Variants in EIF5 observed in about 807,000 individuals in gnomAD.
EIF5 encodes the protein eukaryotic translation initiation factor 5.
A neutral mutation model predicts 48.3 loss-of-function variants in EIF5; 10 were observed. That is an observed-to-expected ratio of 0.21 (90% CI 0.13 to 0.35). The LOEUF is 0.35. Ranked by LOEUF, EIF5 falls within the 10% of genes least tolerant of loss-of-function variation. EIF5 has a pLI of 1.00. For synonymous variants in EIF5, 237 were observed against 173.1 expected (o/e 1.37, Z -2.90); for missense variants, 397 against 533.2 (o/e 0.74, Z 2.51).
In EIF5 at chr14:103,340,626, T is replaced by A; in HGVS notation, c.1206+65T>A. 3 of 1,560,332 alleles carry A rather than the reference T, an allele frequency of 1.9e-6. No homozygotes were observed. The East Asian group carries it at 6.8e-5, about 35-fold the overall frequency. ...CATGGGTGTTTGAGATTTAAAAAGG[T>A]TTGTGAGGAGTGATATAATGGCAGT... On this transcript the variant is annotated intron_variant, in intron 11 of 11. Coordinates refer to ENST00000216554, the MANE Select transcript of EIF5 (RefSeq NM_001969.5).
In EIF5 at chr14:103,343,446, G is replaced by T. The variant is rs988324426; in HGVS notation, c.*2394G>T. Reference sequence around the variant, plus strand: ...GGAACATACATACAGCTATGTAACTGTGAATAATTGTATATATCTCTAGTT... The same window carrying T: ...GGAACATACATACAGCTATGTAACTTTGAATAATTGTATATATCTCTAGTT... On this transcript the variant is annotated 3_prime_UTR_variant, in exon 12 of 12. Transcript: ENST00000216554. 2.1e-5 allele frequency: 3 copies of T among 140,546 alleles called. No homozygotes were observed. Among genetic ancestry groups the T allele is most frequent in the Admixed American group, 2.1e-4 (3 of 14,344 alleles). The allele number at this position is 140,546 out of a possible 1,614,324, so 8.7% of individuals were successfully genotyped here.
Position 103,343,778 on chromosome 14 carries a change from G to A in EIF5, c.*2726G>A, listed in dbSNP as rs1242958172. On this transcript the variant is annotated 3_prime_UTR_variant, in exon 12 of 12. Transcript: ENST00000216554. ...CAGTCAGTCCTCATCGTGGTCCTGAGGCATAGGTACTGTTGTACCAAGGTC... is the reference window on the plus strand; with the variant it reads ...CAGTCAGTCCTCATCGTGGTCCTGAAGCATAGGTACTGTTGTACCAAGGTC... 2 of 152,308 alleles carry A rather than the reference G, an allele frequency of 1.3e-5. No homozygotes were observed. Among genetic ancestry groups the A allele is most frequent in the East Asian group, 3.9e-4 (2 of 5,190 alleles). The allele number at this position is 152,308 out of a possible 1,614,324, so 9.4% of individuals were successfully genotyped here. A position where few individuals can be genotyped will look rare whatever the true frequency, so the allele number is the denominator to read the frequency against.
chr14:103,335,640 C>T lies in EIF5; in HGVS notation c.-208-13C>T. On this transcript the variant is annotated splice_polypyrimidine_tract_variant and intron_variant, in intron 2 of 11. Coordinates refer to ENST00000216554, the MANE Select transcript of EIF5 (RefSeq NM_001969.5). ...GGGGGGATTTTTGTGTGTTCTTTCCCTTTTTCTTTCAGAGCTGTTGCGCAG... is the reference window on the plus strand; with the variant it reads ...GGGGGGATTTTTGTGTGTTCTTTCCTTTTTTCTTTCAGAGCTGTTGCGCAG... The T allele has an allele frequency of 1.8e-6, 1 of 565,430 alleles. No individual in the cohort carries two copies. Among genetic ancestry groups the T allele is most frequent in the Non-Finnish European group, 3.1e-6 (1 of 317,892 alleles). 35.0% of individuals were successfully genotyped at this position (565,430 alleles called of 1,614,324 possible).
chr14:103,340,201 C>G (rs1008942234), intron 10 of EIF5, among the ~76,000 whole-genome samples: 3 of 152,144 alleles, frequency 2.0e-5, no homozygotes, highest in Admixed American at 6.5e-5. Flanking sequence ...GTCTTAATAT[C>G]TATAGCTAAA....
chr14:103,340,566 A>T lies in EIF5; in HGVS notation c.1206+5A>T. 6.2e-7 allele frequency: 1 copy of T among 1,607,504 alleles called. No homozygotes were observed. Among genetic ancestry groups the T allele is most frequent in the South Asian group, 1.1e-5 (1 of 90,948 alleles). On this transcript the variant is annotated splice_donor_5th_base_variant and intron_variant, in intron 11 of 11. Coordinates refer to ENST00000216554, the MANE Select transcript of EIF5 (RefSeq NM_001969.5). ...GATGAAGATGAGAACATTGAGGTAA[A>T]CATTGGGGGAGGAGGGTATTGGATA... is the stretch of plus-strand genomic sequence containing the variant.
chr14:103,339,457 C>T, intron 9 of EIF5, 124 bp downstream of exon 9: 1 of 1,423,752 alleles, frequency 7.0e-7, no homozygotes, highest in African/African-American at 1.4e-5. Context: ...ACCTTACAAG[C>T]CTCTGAGTAT....
At chr14:103,336,221 C>T in intron 4 of EIF5, 104 bp downstream of exon 4, 2 of 1,166,546 alleles carry the variant, frequency 1.7e-6, no homozygotes, top group Non-Finnish European at 2.4e-6. Context: ...AATTACCTTA[C>T]AAGTTAAGTG....
chr14:103,338,954 A>G (rs961077534), intron 8 of EIF5, 61 bp downstream of exon 8: 1 of 1,575,482 alleles, frequency 6.3e-7, no homozygotes, highest in Non-Finnish European at 8.6e-7. Context: ...GCCTTTAGAT[A>G]TATGATACTT....
At chr14:103,337,087 AT>A in intron 5 of EIF5, 28 bp from the exon 6 acceptor site, 1 of 1,574,108 alleles carries the variant, frequency 6.4e-7, no homozygotes, top group South Asian at 1.1e-5. Context: ...ATGTTATATT[AT>A]GGATAACATT....
chr14:103,335,604 A>T (rs1595361910), intron 2 of EIF5, 49 bp from the exon 3 acceptor site: 1 of 536,608 alleles, frequency 1.9e-6, no homozygotes, highest in Admixed American at 3.3e-5. Flanking sequence ...TCCAGCGATG[A>T]TGTTAAACCT....
intron 10 of EIF5, 142 bp downstream of exon 10, chr14:103,339,945 A>T (rs539558123): frequency 6.2e-6 from 6 of 971,564 alleles, no homozygotes; most frequent in Non-Finnish European, 7.4e-6. Flanking sequence ...TGAAACCTCC[A>T]CGTCCCGGCT....
At position 103,342,024 on chromosome 14, in the gene EIF5, G is replaced by C. The variant is rs2089358855; in HGVS notation, c.*972G>C. On this transcript the variant is annotated 3_prime_UTR_variant, in exon 12 of 12. Transcript: ENST00000216554. ...GTGGCTTTAATTTTCCCCTCTTGCA[G>C]TTTGTTCTGTAATGCCTTTTACATT... 1 of 152,562 alleles carries C rather than the reference G, an allele frequency of 6.6e-6. No homozygotes were observed. The highest frequency in any genetic ancestry group is 1.5e-5 in the Non-Finnish European group (1 of 68,026). 9.5% of individuals were successfully genotyped at this position (152,562 alleles called of 1,614,324 possible).
chr14:103,335,640 C>CTTTTTTT lies in EIF5; in HGVS notation c.-208-8_-208-7insTTTTTTT. 1 of 565,428 alleles carries CTTTTTTT rather than the reference C, an allele frequency of 1.8e-6. No homozygotes were observed. The allele number at this position is 565,428 out of a possible 1,614,324, so 35.0% of individuals were successfully genotyped here. A position where few individuals can be genotyped will look rare whatever the true frequency, so the allele number is the denominator to read the frequency against. ...GGGGGGATTTTTGTGTGTTCTTTCCCTTTTTCTTTCAGAGCTGTTGCGCAG... is the reference window on the plus strand; with the variant it reads ...GGGGGGATTTTTGTGTGTTCTTTCCCTTTTTTTTTTTTCTTTCAGAGCTGTTGCGCAG... On this transcript the variant is annotated splice_polypyrimidine_tract_variant and intron_variant, in intron 2 of 11. Coordinates refer to ENST00000216554, the MANE Select transcript of EIF5 (RefSeq NM_001969.5).
Position 103,337,433 on chromosome 14 carries a change from G to A in EIF5, c.439+206G>A, listed in dbSNP as rs148327975. 2,395 of 531,606 alleles carry A rather than the reference G, an allele frequency of 4.5e-3. 75 individuals carry two copies. The highest frequency in any genetic ancestry group is 0.045 in the South Asian group (1,696 of 38,070). 32.9% of individuals were successfully genotyped at this position (531,606 alleles called of 1,614,324 possible). ...CAGCCTGGCCAACATAGTGAAACCCGTCTACTAAAAACACAAAAACTAGCT... is the reference window on the plus strand; with the variant it reads ...CAGCCTGGCCAACATAGTGAAACCCATCTACTAAAAACACAAAAACTAGCT... On this transcript the variant is annotated intron_variant, in intron 6 of 11. Coordinates refer to ENST00000216554, the MANE Select transcript of EIF5 (RefSeq NM_001969.5).
At chr14:103,336,266 A>C in intron 4 of EIF5, 149 bp downstream of exon 4, 1 of 832,048 alleles carries the variant, frequency 1.2e-6, no homozygotes, top group Admixed American at 2.8e-5. Flanking sequence ...ATGAGTTTAC[A>C]AAACTACCAG....
chr14:103,338,738 G>A lies in EIF5; in HGVS notation c.589G>A (p.Glu197Lys). 6.2e-7 allele frequency: 1 copy of A among 1,613,296 alleles called. No individual in the cohort carries two copies. Among genetic ancestry groups the A allele is most frequent in the Non-Finnish European group, 8.5e-7 (1 of 1,179,752 alleles). Reference protein sequence around the residue: ...EINPPPHTMEEEEDDDWGEDT... With the variant: ...EINPPPHTMEKEEDDDWGEDT... Reference sequence around the variant, plus strand: ...GTAGCTCTGTTTTCATAAACAGGAAGAAGAGGAGGATGATGACTGGGGAGA... The same window carrying A: ...GTAGCTCTGTTTTCATAAACAGGAAAAAGAGGAGGATGATGACTGGGGAGA... The change falls in exon 8 of 12, where the codon GAA becomes AAA. Residue 197 changes from glutamate (E) to lysine (K), a missense_variant. By Grantham distance (56) the Glu-to-Lys change is moderately conservative. Around this residue, in one of 4 missense-constraint regions of EIF5, gnomAD observed 126 missense variants for 141.9 expected, o/e 0.89. Transcript: ENST00000216554.
intron 10 of EIF5, 81 bp downstream of exon 10, chr14:103,339,884 A>T (rs777429962): frequency 1.4e-6 from 2 of 1,457,142 alleles, no homozygotes; most frequent in Admixed American, 2.3e-5. Context: ...TTGGAGACGG[A>T]GTCTCATTCT....
rs557866295 is a variant in EIF5, at chr14:103,336,305, G to T, written c.154+188G>T. 1.0e-5 allele frequency: 7 copies of T among 673,084 alleles called. No individual in the cohort carries two copies. The South Asian group carries it at 1.4e-4, about 13-fold the overall frequency. 41.7% of individuals were successfully genotyped at this position (673,084 alleles called of 1,614,324 possible). On this transcript the variant is annotated intron_variant, in intron 4 of 11. Transcript: ENST00000216554. ...AACGCATTTAAAGAGTGGATGGCTG[G>T]GCGCGTTGGCTCACACCTGTAACCC...
rs1164161024 is a variant in EIF5 at position 103,339,153 on chromosome 14, GTT to G, written c.745-16_745-15del. The G allele has an allele frequency of 5.0e-6, 8 of 1,599,420 alleles. No individual in the cohort carries two copies. The Admixed American group carries it at 1.3e-4, about 25-fold the overall frequency. ...AAGTGTGCCTCCATTGCACTGAATTGTTTTCCTTTTCTTTGCAGAAAAAGAAA... is the reference window on the plus strand; with the variant it reads ...AAGTGTGCCTCCATTGCACTGAATTGTTCCTTTTCTTTGCAGAAAAAGAAA... On this transcript the variant is annotated splice_polypyrimidine_tract_variant and intron_variant, in intron 8 of 11. Transcript: ENST00000216554.
Sources: gnomAD v4.1 joint callset for allele counts (sites outside exome capture counted in the v4.1 genomes callset) on GRCh38, gnomAD v4.1.1 for gene constraint, gnomAD v4.1.1 regional missense constraint, MANE v1.5 for transcripts, NCBI Gene and HGNC (gene_info 2026-07-23, HGNC 2026-07-21) for gene names.